Variants in SHC4 observed in about 807,000 individuals in gnomAD.
SHC4 encodes SHC-transforming protein 4.
In SHC4, 41 loss-of-function variants were observed where a neutral mutation model predicts 69.4. The ratio of observed to expected loss-of-function variants is 0.59; its 90% CI spans 0.46 to 0.77. The LOEUF (loss-of-function observed/expected upper bound fraction) is 0.77. SHC4 is among the 30% of genes least tolerant of loss of function. SHC4 has a pLI of 0.00. For synonymous variants in SHC4, 318 were observed against 299.3 expected, an observed-to-expected ratio of 1.06 and a Z score of -0.64; for missense variants, 777 against 783.8, an observed-to-expected ratio of 0.99 and a Z score of 0.10.
At position 48,835,024 on chromosome 15, in the gene SHC4, T is replaced by C. The variant is rs775444202; in HGVS notation, c.1484-2A>G. 6 of 1,607,752 alleles carry C rather than the reference T, an allele frequency of 3.7e-6. No individual in the cohort carries two copies. In the South Asian group the frequency reaches 6.7e-5, roughly 18 times the overall value. ...CCGGCTGAACAGTTTCTGGTGCCTC[T>C]GAAGTCAGAACACAAAGAGAGACAT... is the stretch of plus-strand genomic sequence containing the variant. On this transcript the variant is annotated splice_acceptor_variant, in intron 10 of 11. Transcript: ENST00000332408. LOFTEE classifies it high-confidence loss of function.
At position 48,851,183 on chromosome 15, in the gene SHC4, C is replaced by T. The variant is rs763262367; in HGVS notation, c.1303+5G>A. 20 of 1,613,582 alleles carry T rather than the reference C, an allele frequency of 1.2e-5. No homozygotes were observed. In the South Asian group the frequency reaches 2.2e-4, roughly 18 times the overall value. On this transcript the variant is annotated splice_donor_5th_base_variant and intron_variant, in intron 9 of 11. Transcript: ENST00000332408. ...GTGGCAGATGGAGAAGGGCATTGTA[C>T]CTACCTATTGCCCTGCTTTGTTCTA...
chr15:48,942,082 C>A (rs930708196), intron 1 of SHC4, among the ~76,000 whole-genome samples: 4 of 152,062 alleles, frequency 2.6e-5, no homozygotes, highest in African/African-American at 9.7e-5. Context: ...GCAGCAGGAT[C>A]CTGTGACTTC....
chr15:48,948,714 T>G (rs1901315578), intron 1 of SHC4, among the ~76,000 whole-genome samples: 1 of 152,106 alleles, frequency 6.6e-6, no homozygotes, highest in African/African-American at 2.4e-5. Flanking sequence ...GAGACCAGCC[T>G]GGGCAACATA....
chr15:48,896,172 A>G (rs1425675272), intron 2 of SHC4, among the ~76,000 whole-genome samples: 1 of 150,010 alleles, frequency 6.7e-6, no homozygotes, highest in Non-Finnish European at 1.5e-5. Context: ...TATTTGTACA[A>G]ACTTTCCTTC....
At chr15:48,924,624 AC>A (rs1900813140) in intron 2 of SHC4, among the ~76,000 whole-genome samples, 1 of 152,174 alleles carries the variant, frequency 6.6e-6, no homozygotes, top group Non-Finnish European at 1.5e-5. Context: ...TACCTGGGAA[AC>A]CAGCTATTTC....
chr15:48,929,333 A>G (rs1900911218), intron 1 of SHC4, among the ~76,000 whole-genome samples: 1 of 152,236 alleles, frequency 6.6e-6, no homozygotes, highest in Non-Finnish European at 1.5e-5. Context: ...GCGGATCTGC[A>G]TAAGACATGG....
intron 2 of SHC4, among the ~76,000 whole-genome samples, chr15:48,915,843 G>A (rs144641246): frequency 0.014 from 2,201 of 152,054 alleles, 32 homozygotes; most frequent in Admixed American, 0.023. Flanking sequence ...TTTCTCCTTA[G>A]CACTCTTCTC....
At chr15:48,931,380 T>A (rs969466253) in intron 1 of SHC4, among the ~76,000 whole-genome samples, 1 of 152,246 alleles carries the variant, frequency 6.6e-6, no homozygotes, top group Non-Finnish European at 1.5e-5. Context: ...TTCAGATGTG[T>A]ATTGGCACAT....
intron 1 of SHC4, among the ~76,000 whole-genome samples, chr15:48,929,783 C>T (rs147707607): frequency 1.3e-5 from 2 of 152,192 alleles, no homozygotes; most frequent in African/African-American, 4.8e-5. Context: ...TTATTTGGAG[C>T]CTTACAGGAA....
Position 48,834,766 on chromosome 15 carries a change from T to C in SHC4, c.1737+3A>G. 2 of 1,613,944 alleles carry C rather than the reference T, an allele frequency of 1.2e-6. No homozygotes were observed. The highest frequency in any genetic ancestry group is 1.7e-6 in the Non-Finnish European group (2 of 1,179,884). The stretch of plus-strand genomic sequence containing the variant: ...GAAACCTCTAATGAGAAGTCAATGA[T>C]ACCTTGCCTTCAGGATCCACCAGGA... On this transcript the variant is annotated splice_donor_region_variant and intron_variant, in intron 11 of 11. Transcript: ENST00000332408.
intron 11 of SHC4, among the ~76,000 whole-genome samples, chr15:48,830,355 C>A (rs1463231071): frequency 1.3e-5 from 2 of 152,130 alleles, no homozygotes; most frequent in Admixed American, 6.5e-5. Flanking sequence ...TTGATGTCAC[C>A]AATTACATTT....
intron 4 of SHC4, 93 bp downstream of exon 4, chr15:48,884,155 C>A: frequency 1.5e-6 from 2 of 1,361,548 alleles, no homozygotes; most frequent in Non-Finnish European, 1.9e-6. Flanking sequence ...AGGTTGTAGG[C>A]ATACTCTGTC....
chr15:48,889,582 C>T (rs1261655352), intron 3 of SHC4, among the ~76,000 whole-genome samples: 3 of 152,228 alleles, frequency 2.0e-5, no homozygotes, highest in Non-Finnish European at 4.4e-5. Context: ...CGGTGGCTCA[C>T]GCCTGTGGCC....
intron 4 of SHC4, chr15:48,876,524 G>A (rs1196806429): frequency 2.1e-5 from 13 of 615,316 alleles, no homozygotes; most frequent in Admixed American, 1.5e-4. Context: ...TATGTAAAGG[G>A]GAGTTCACTA....
At position 48,951,192 on chromosome 15, in the gene SHC4, G is replaced by A. The variant is rs545493657; in HGVS notation, c.585+11239C>T. 4.6e-4 allele frequency among the ~76,000 whole-genome samples: 70 copies of A among 152,002 alleles called. 2 individuals are homozygous for A. In the South Asian group the frequency reaches 0.015, roughly 32 times the overall value. On this transcript the variant is annotated intron_variant, in intron 1 of 11. Coordinates refer to ENST00000332408, the MANE Select transcript of SHC4 (RefSeq NM_203349.4). The stretch of plus-strand genomic sequence containing the variant: ...TGGAGATTTCCACCTGGATGCTTTC[G>A]GGGTCACCTTGAACACAGCAGGTGT...
rs370951533 is a variant in SHC4 at position 48,890,857 on chromosome 15, C to T, written c.657-46G>A. 1.5e-4 allele frequency: 242 copies of T among 1,590,006 alleles called. 1 individual carries two copies. The highest frequency in any genetic ancestry group is 2.0e-4 in the Non-Finnish European group (229 of 1,158,358). The stretch of plus-strand genomic sequence containing the variant: ...AAATAAAGACTTAGCATACTACCTC[C>T]ACACAGTAAGTGTTTAAGAAATGTT... On this transcript the variant is annotated intron_variant, in intron 2 of 11. Transcript: ENST00000332408.
At chr15:48,951,457 T>C (rs1002263219) in intron 1 of SHC4, among the ~76,000 whole-genome samples, 5 of 152,158 alleles carry the variant, frequency 3.3e-5, no homozygotes, top group African/African-American at 7.2e-5. Context: ...CTAAAGCATA[T>C]CTCTGCATTT....
intron 1 of SHC4, among the ~76,000 whole-genome samples, chr15:48,937,583 CATAGATAGATAGATAGATAG>C (rs5812469): frequency 6.8e-6 from 1 of 147,808 alleles, no homozygotes. Flanking sequence ...CACACAGACA[CATAGATAGATAGATAGATAG>C]ATAGATAGAT....
At chr15:48,874,536 G>C (rs951484635) in intron 4 of SHC4, among the ~76,000 whole-genome samples, 4 of 152,174 alleles carry the variant, frequency 2.6e-5, no homozygotes, top group Admixed American at 1.3e-4. Flanking sequence ...GATTCTCATA[G>C]GAGAATGAAC....
Sources: gnomAD v4.1 joint callset for allele counts (sites outside exome capture counted in the v4.1 genomes callset) on GRCh38, gnomAD v4.1.1 for gene constraint, MANE v1.5 for transcripts, NCBI Gene and HGNC (gene_info 2026-07-23, HGNC 2026-07-21) for gene names.